ATRN: variants seen among roughly 807,000 people sequenced by gnomAD.
ATRN encodes attractin, also known as attractin-2.
A neutral mutation model predicts 178.7 loss-of-function variants in ATRN; 54 were observed. The ratio of observed to expected loss-of-function variants is 0.30; its 90% CI spans 0.24 to 0.38. The LOEUF (loss-of-function observed/expected upper bound fraction) is 0.38. Among genes scored for constraint, ATRN ranks in the 10% least tolerant of loss-of-function variants. ATRN has a pLI of 1.00. For synonymous variants in ATRN, 636 were observed against 663.0 expected, an observed-to-expected ratio of 0.96 and a Z score of 0.63; for missense variants, 1,443 against 1,815.1, an observed-to-expected ratio of 0.79 and a Z score of 3.73.
intron 1 of ATRN, among the ~76,000 whole-genome samples, chr20:3,492,057 G>A (rs1157840271): frequency 1.3e-5 from 2 of 152,116 alleles, no homozygotes; most frequent in Non-Finnish European, 2.9e-5. Context: ...ATAGCCAACA[G>A]GTTGAATGTA....
chr20:3,597,071 T>TAA (rs147640965), intron 21 of ATRN, among the ~76,000 whole-genome samples: 1 of 134,036 alleles, frequency 7.5e-6, no homozygotes, highest in Non-Finnish European at 1.5e-5. Context: ...TATATATATA[T>TAA]ATAAAACTTC....
At chr20:3,530,883 C>G (rs1205582209) in intron 1 of ATRN, among the ~76,000 whole-genome samples, 1 of 152,090 alleles carries the variant, frequency 6.6e-6, no homozygotes, top group Non-Finnish European at 1.5e-5. Context: ...AACCTGCCTC[C>G]TGTTCCCCTA....
chr20:3,644,256 C>T lies in ATRN; in HGVS notation c.4153C>T (p.Pro1385Ser). 3 of 1,613,370 alleles carry T rather than the reference C, an allele frequency of 1.9e-6. No homozygotes were observed. The highest frequency in any genetic ancestry group is 1.7e-4 in the Middle Eastern group (1 of 6,058). ...LPRGLGGIPP[P>S]GQSGLAVASA... ...TCGAGGCCTGGGTGGCATCCCTCCTCCTGGGCAGTCAGGTGAGTAGATGCG... is the reference window on the plus strand; with the variant it reads ...TCGAGGCCTGGGTGGCATCCCTCCTTCTGGGCAGTCAGGTGAGTAGATGCG... The change falls in exon 28 of 29, where the codon CCT (proline) becomes TCT (serine). Residue 1385 changes from proline to serine, a missense_variant. Pro to Ser is a moderately conservative substitution (Grantham distance 74). Coordinates refer to ENST00000262919, the MANE Select transcript of ATRN (RefSeq NM_139321.3).
intron 24 of ATRN, among the ~76,000 whole-genome samples, chr20:3,615,521 T>A (rs1286969200): frequency 6.6e-6 from 1 of 151,936 alleles, no homozygotes; most frequent in East Asian, 1.9e-4. Context: ...ACACATGCTT[T>A]TAAGTACAGT....
chr20:3,540,074 A>G (rs2085596515), intron 2 of ATRN, 148 bp from the exon 3 acceptor site: 1 of 511,140 alleles, frequency 2.0e-6, no homozygotes. Context: ...AGAATACTAA[A>G]TAAATCTTTG....
At chr20:3,553,574 G>A (rs2085819192) in intron 6 of ATRN, among the ~76,000 whole-genome samples, 1 of 152,012 alleles carries the variant, frequency 6.6e-6, no homozygotes, top group South Asian at 2.1e-4. Context: ...CTTGCCTTTG[G>A]ACTTAATGGC....
chr20:3,557,076 T>A (rs571397973), intron 6 of ATRN, among the ~76,000 whole-genome samples: 1 of 152,342 alleles, frequency 6.6e-6, no homozygotes, highest in East Asian at 1.9e-4. Flanking sequence ...AGTCTATATG[T>A]GTAGTTGGAA....
chr20:3,605,167 C>G (rs2086661487), intron 24 of ATRN, among the ~76,000 whole-genome samples: 1 of 152,178 alleles, frequency 6.6e-6, no homozygotes, highest in African/African-American at 2.4e-5. Flanking sequence ...TTCAACATCA[C>G]TGATCATTAG....
chr20:3,625,834 T>G (rs958034963), intron 25 of ATRN, among the ~76,000 whole-genome samples: 1 of 152,198 alleles, frequency 6.6e-6, no homozygotes, highest in East Asian at 1.9e-4. Flanking sequence ...TTCCCTCTTT[T>G]TACTGGAGCA....
intron 1 of ATRN, among the ~76,000 whole-genome samples, chr20:3,494,670 A>C (rs2084853798): frequency 1.3e-5 from 2 of 152,224 alleles, no homozygotes; most frequent in Non-Finnish European, 2.9e-5. Flanking sequence ...AAAGCATAAA[A>C]GAAGGGGATT....
At chr20:3,512,620 C>G (rs1020770241) in intron 1 of ATRN, among the ~76,000 whole-genome samples, 1 of 152,148 alleles carries the variant, frequency 6.6e-6, no homozygotes, top group African/African-American at 2.4e-5. Flanking sequence ...TGGGTATATA[C>G]CCAGTAATGG....
chr20:3,557,134 A>G (rs1264592680), intron 6 of ATRN, among the ~76,000 whole-genome samples: 7 of 152,264 alleles, frequency 4.6e-5, no homozygotes, highest in Admixed American at 3.9e-4. Context: ...CAGAATTCCA[A>G]AAAAGCTTTG....
In ATRN at chr20:3,561,398, G is replaced by A. The variant is rs577014389; in HGVS notation, c.1447+493G>A. ...TATTACCAGTGAAATGCAGATTATC[G>A]ATGCTCCTATGTAGTATGTATTTGT... On this transcript the variant is annotated intron_variant, in intron 8 of 28. Transcript: ENST00000262919. Among the ~76,000 whole-genome samples, 7 of 152,226 alleles carry A rather than the reference G, an allele frequency of 4.6e-5. No individual in the cohort carries two copies. In the South Asian group the frequency reaches 8.3e-4, roughly 18 times the overall value.
intron 1 of ATRN, among the ~76,000 whole-genome samples, chr20:3,510,035 G>C (rs2085103564): frequency 6.6e-6 from 1 of 152,022 alleles, no homozygotes; most frequent in Non-Finnish European, 1.5e-5. Context: ...CGTGGCTCTT[G>C]ACCCAAAATA....
Position 3,630,916 on chromosome 20 carries a change from C to CTTTTTTTTTTTTTTTTTTTT in ATRN, c.3864-3366_3864-3347dup, listed in dbSNP as rs368394749. On this transcript the variant is annotated intron_variant, in intron 25 of 28. Transcript: ENST00000262919. ...ACCATGTCTAAAAGAATTTATTTAG[C>CTTTTTTTTTTTTTTTTTTTT]TTTTTTTTTTTTTTTTTTTTTTTTT... Among the ~76,000 whole-genome samples the CTTTTTTTTTTTTTTTTTTTT allele has an allele frequency of 9.2e-5, 4 of 43,426 alleles. 1 individual carries two copies. Among genetic ancestry groups the CTTTTTTTTTTTTTTTTTTTT allele is most frequent in the Non-Finnish European group, 1.7e-4 (4 of 23,616 alleles). 28.5% of individuals were successfully genotyped at this position (43,426 alleles called of 152,430 possible).
At chr20:3,574,611 A>G (rs981783870) in intron 12 of ATRN, among the ~76,000 whole-genome samples, 3 of 152,256 alleles carry the variant, frequency 2.0e-5, no homozygotes, top group Non-Finnish European at 4.4e-5. Context: ...TAGCAGGGTT[A>G]GCTTGTCTCT....
chr20:3,496,727 T>C (rs140353068), intron 1 of ATRN, among the ~76,000 whole-genome samples: 1 of 152,298 alleles, frequency 6.6e-6, no homozygotes, highest in East Asian at 1.9e-4. Context: ...TTCTGTCTCG[T>C]TGATCTAATG....
At chr20:3,612,900 C>G (rs1346010135) in intron 24 of ATRN, among the ~76,000 whole-genome samples, 1 of 152,160 alleles carries the variant, frequency 6.6e-6, no homozygotes, top group East Asian at 1.9e-4. Flanking sequence ...TATAAGCAGG[C>G]TTTTGTGCTG....
At chr20:3,595,959 T>G (rs1480617114) in intron 20 of ATRN, among the ~76,000 whole-genome samples, 1 of 152,236 alleles carries the variant, frequency 6.6e-6, no homozygotes, top group Non-Finnish European at 1.5e-5. Flanking sequence ...TGGTATTTAG[T>G]CTTCTCTCAC....
Sources: allele counts gnomAD v4.1 joint callset (sites outside exome capture counted in the v4.1 genomes callset), GRCh38; gene constraint gnomAD v4.1.1; transcripts MANE v1.5; gene names NCBI Gene and HGNC (gene_info 2026-07-23, HGNC 2026-07-21).